The following LVRN variants were observed in gnomAD, a reference collection of about 807,000 sequenced individuals.
The protein encoded by LVRN is aminopeptidase Q.
LVRN carries 99 observed loss-of-function variants against 111.4 expected under a neutral mutation model. That is an observed-to-expected ratio of 0.89 (90% CI 0.76 to 1.05). LVRN has a LOEUF of 1.05. LVRN is among the 50% of genes least tolerant of loss of function. The probability of loss-of-function intolerance (pLI) is 0.00; values close to 1 mark genes in which losing one functional copy is unlikely to be tolerated. For synonymous variants in LVRN, 488 were observed against 449.5 expected, an observed-to-expected ratio of 1.09 and a Z score of -1.08; for missense variants, 1,414 against 1,206.8, an observed-to-expected ratio of 1.17 and a Z score of -2.54.
intron 10 of LVRN, among the ~76,000 whole-genome samples, chr5:116,001,955 A>G (rs1748247332): frequency 6.6e-6 from 1 of 152,212 alleles, no homozygotes; most frequent in African/African-American, 2.4e-5. Context: ...TTCTTAATCT[A>G]TTAGCTGATT....
At chr5:115,978,953 C>CT (rs949103927) in intron 1 of LVRN, among the ~76,000 whole-genome samples, 1 of 152,038 alleles carries the variant, frequency 6.6e-6, no homozygotes, top group East Asian at 1.9e-4. Context: ...TGTTTTTCCT[C>CT]TTTTTTTCTA....
chr5:115,970,384 C>CTTT (rs3984987), intron 1 of LVRN, among the ~76,000 whole-genome samples: 7,957 of 133,768 alleles, frequency 0.059, 292 homozygotes, highest in Middle Eastern at 0.096. Flanking sequence ...GAAATACATT[C>CTTT]TTTTTTTTTT....
At position 115,988,206 on chromosome 5, in the gene LVRN, C is replaced by T. The variant is rs114623756; in HGVS notation, c.1105+267C>T. Among the ~76,000 whole-genome samples, 1,087 of 152,328 alleles carry T rather than the reference C, an allele frequency of 7.1e-3. 24 individuals carry two copies. The highest frequency in any genetic ancestry group is 0.025 in the African/African-American group (1,029 of 41,576). On this transcript the variant is annotated intron_variant, in intron 4 of 19. Coordinates refer to ENST00000357872, the MANE Select transcript of LVRN (RefSeq NM_173800.5). Reference sequence around the variant, plus strand: ...TCCTGGCTACTCAATGGCAGCCTCCCGTCCTCTAGACCCTACTTTCTCTTT... The same window carrying T: ...TCCTGGCTACTCAATGGCAGCCTCCTGTCCTCTAGACCCTACTTTCTCTTT...
chr5:115,995,800 T>C (rs908496297), intron 6 of LVRN, among the ~76,000 whole-genome samples: 8 of 152,106 alleles, frequency 5.3e-5, no homozygotes, highest in African/African-American at 1.2e-4. Flanking sequence ...TATAGAAGCA[T>C]TAAGTAAGTT....
chr5:115,993,203 T>G (rs1175245006), intron 5 of LVRN, among the ~76,000 whole-genome samples: 1 of 148,880 alleles, frequency 6.7e-6, no homozygotes, highest in Non-Finnish European at 1.5e-5. Flanking sequence ...TGACACTGTT[T>G]TTTTTTTTCT....
At chr5:115,997,051 A>C (rs1748128409) in intron 6 of LVRN, among the ~76,000 whole-genome samples, 1 of 152,224 alleles carries the variant, frequency 6.6e-6, no homozygotes. Context: ...GATAATAATA[A>C]AAATAATGAT....
chr5:116,015,270 A>C lies in LVRN; in HGVS notation c.2469A>C (p.Lys823Asn). The change falls in exon 17 of 20, where the codon AAA becomes AAC. Residue 823 changes from lysine (K) to asparagine (N), a missense_variant. Physicochemically the swap from Lys to Asn is moderately conservative, Grantham distance 94 (BLOSUM62 0). Transcript: ENST00000357872. ...HPENEIPYPIKDVVLCYGIAL... is the reference protein window; with the variant it reads ...HPENEIPYPINDVVLCYGIAL... Reference sequence around the variant, plus strand: ...TTTACAGAATACCTTATCCAATTAAAGATGTGGTTTTATGTTATGGCATTG... The same window carrying C: ...TTTACAGAATACCTTATCCAATTAACGATGTGGTTTTATGTTATGGCATTG... The C allele has an allele frequency of 6.2e-7, 1 of 1,601,066 alleles. No individual in the cohort carries two copies.
chr5:116,002,785 AT>A, intron 10 of LVRN, 49 bp from the exon 11 acceptor site: 1 of 1,330,520 alleles, frequency 7.5e-7, no homozygotes, highest in Admixed American at 1.9e-5. Flanking sequence ...CTCAGAGTGT[AT>A]GTTTTTATGT....
At chr5:115,980,672 G>A (rs961060705) in intron 1 of LVRN, among the ~76,000 whole-genome samples, 3 of 152,082 alleles carry the variant, frequency 2.0e-5, no homozygotes, top group Non-Finnish European at 2.9e-5. Flanking sequence ...CATAAGCTTT[G>A]TGAGGTCATG....
intron 2 of LVRN, among the ~76,000 whole-genome samples, chr5:115,984,075 C>T (rs1747788795): frequency 6.6e-6 from 1 of 152,196 alleles, no homozygotes; most frequent in South Asian, 2.1e-4. Context: ...CTATTAGGTA[C>T]ACCAACCCAT....
At chr5:115,993,952 G>T (rs1748051353) in intron 6 of LVRN, 98 bp downstream of exon 6, 2 of 657,950 alleles carry the variant, frequency 3.0e-6, no homozygotes, top group African/African-American at 1.9e-5. Flanking sequence ...GAAAATACAA[G>T]AAATAATAAA....
chr5:115,990,722 C>A (rs1032699870), intron 4 of LVRN, among the ~76,000 whole-genome samples: 1 of 151,968 alleles, frequency 6.6e-6, no homozygotes, highest in Non-Finnish European at 1.5e-5. Context: ...CAGGTGCGCA[C>A]CACCATGCCC....
At chr5:115,969,940 C>A (rs918978511) in intron 1 of LVRN, among the ~76,000 whole-genome samples, 3 of 150,208 alleles carry the variant, frequency 2.0e-5, no homozygotes, top group African/African-American at 7.4e-5. Context: ...TTTTAATGTT[C>A]TTCTCTGCTA....
At position 115,963,318 on chromosome 5, in the gene LVRN, G is replaced by A. The variant is rs1417136459; in HGVS notation, c.695+6G>A. Reference sequence around the variant, plus strand: ...ACCGACCAGGGCGAGCGCAGGTAAGGGCTGTACAGCCCGGGGCCCCTCTCG... The same window carrying A: ...ACCGACCAGGGCGAGCGCAGGTAAGAGCTGTACAGCCCGGGGCCCCTCTCG... On this transcript the variant is annotated splice_donor_region_variant and intron_variant, in intron 1 of 19. Coordinates refer to ENST00000357872, the MANE Select transcript of LVRN (RefSeq NM_173800.5). The A allele has an allele frequency of 1.3e-6, 2 of 1,592,944 alleles. No individual in the cohort carries two copies. Among genetic ancestry groups the A allele is most frequent in the Non-Finnish European group, 1.7e-6 (2 of 1,168,986 alleles).
intron 5 of LVRN, among the ~76,000 whole-genome samples, chr5:115,993,119 G>A (rs1186644828): frequency 6.6e-6 from 1 of 151,952 alleles, no homozygotes; most frequent in Non-Finnish European, 1.5e-5. Flanking sequence ...TAAGAATTTG[G>A]TGAAATACCA....
At chr5:116,001,917 C>T (rs767952065) in intron 10 of LVRN, among the ~76,000 whole-genome samples, 5 of 152,270 alleles carry the variant, frequency 3.3e-5, no homozygotes, top group Admixed American at 6.5e-5. Flanking sequence ...AATAGCCTAG[C>T]CTTTATCCCT....
chr5:115,976,472 T>G (rs1753451358), intron 1 of LVRN, among the ~76,000 whole-genome samples: 1 of 152,206 alleles, frequency 6.6e-6, no homozygotes, highest in African/African-American at 2.4e-5. Context: ...ATTATCCACT[T>G]TCTTCTTACT....
chr5:115,993,517 T>C (rs1029757422), intron 5 of LVRN, among the ~76,000 whole-genome samples: 1 of 152,202 alleles, frequency 6.6e-6, no homozygotes, highest in Non-Finnish European at 1.5e-5. Context: ...AAATTGCTTT[T>C]AATAATTGAA....
chr5:116,003,713 C>T (rs370901511), intron 12 of LVRN, among the ~76,000 whole-genome samples: 7 of 151,954 alleles, frequency 4.6e-5, no homozygotes, highest in South Asian at 2.1e-4. Flanking sequence ...TCCGGAGTAG[C>T]TGGGACTACA....
Sources: allele counts gnomAD v4.1 joint callset (sites outside exome capture counted in the v4.1 genomes callset), GRCh38; gene constraint gnomAD v4.1.1; transcripts MANE v1.5; gene names NCBI Gene and HGNC (gene_info 2026-07-23, HGNC 2026-07-21).